ALK: variants seen among roughly 807,000 people sequenced by gnomAD.
The protein encoded by ALK is ALK tyrosine kinase receptor.
Under a neutral mutation model 163.1 loss-of-function variants are expected in ALK, and 74 were observed. That is an observed-to-expected ratio of 0.45 (90% CI 0.38 to 0.55). The LOEUF is 0.55. ALK is among the 20% of genes least tolerant of loss of function. The pLI is 0.00. For missense variants in ALK, 2,063 were observed against 2,105.3 expected, an observed-to-expected ratio of 0.98 and a Z score of 0.39; for synonymous variants, 960 against 843.2, an observed-to-expected ratio of 1.14 and a Z score of -2.40.
At chr2:29,399,814 A>G (rs76616347) in intron 4 of ALK, among the ~76,000 whole-genome samples, 5,061 of 152,224 alleles carry the variant, frequency 0.033, 275 homozygotes, top group African/African-American at 0.12. Context: ...GCATTTTCAC[A>G]TGGGTGAAAA....
chr2:29,259,531 G>C (rs1665031463), intron 11 of ALK, among the ~76,000 whole-genome samples: 2 of 152,024 alleles, frequency 1.3e-5, no homozygotes, highest in Non-Finnish European at 2.9e-5. Context: ...TTTGAGTGTT[G>C]ATAATATATT....
intron 1 of ALK, among the ~76,000 whole-genome samples, chr2:29,812,092 G>T (rs1335064351): frequency 1.3e-5 from 2 of 152,152 alleles, no homozygotes; most frequent in Non-Finnish European, 2.9e-5. Flanking sequence ...GTTCCCGAAG[G>T]AAGGACAAGT....
At chr2:29,852,832 TTC>T (rs56348355) in intron 1 of ALK, among the ~76,000 whole-genome samples, 8,854 of 148,496 alleles carry the variant, frequency 0.06, 382 homozygotes, top group East Asian at 0.17. Context: ...GACCAGAGCT[TTC>T]TCTCTCTCTC....
intron 3 of ALK, among the ~76,000 whole-genome samples, chr2:29,645,012 G>A (rs1006161254): frequency 6.6e-6 from 1 of 152,070 alleles, no homozygotes; most frequent in Non-Finnish European, 1.5e-5. Context: ...CCACAGTCTT[G>A]GAGGCCTTGG....
chr2:29,506,229 T>G lies in ALK; in HGVS notation c.1154+25686A>C, dbSNP rs547856390. On this transcript the variant is annotated intron_variant, in intron 4 of 28. Transcript: ENST00000389048. ...GATCAAACTTTGGGCATTTAATCCCTTTTTCCAATTCTGCATGGTTCTTGC... is the reference window on the plus strand; with the variant it reads ...GATCAAACTTTGGGCATTTAATCCCGTTTTCCAATTCTGCATGGTTCTTGC... 5.5e-3 allele frequency among the ~76,000 whole-genome samples: 834 copies of G among 152,298 alleles called. 5 individuals are homozygous for G. The highest frequency in any genetic ancestry group is 0.048 in the Middle Eastern group (14 of 294).
chr2:29,369,308 TTG>T (rs3054016), intron 5 of ALK, among the ~76,000 whole-genome samples: 2,806 of 144,930 alleles, frequency 0.019, 54 homozygotes, highest in African/African-American at 0.056. Context: ...ACGTGCATAT[TTG>T]TGTGTGTGTG....
intron 1 of ALK, among the ~76,000 whole-genome samples, chr2:29,771,290 G>A (rs1484967501): frequency 6.6e-6 from 1 of 152,096 alleles, no homozygotes; most frequent in Non-Finnish European, 1.5e-5. Context: ...GATTAAAGGA[G>A]TTCATACTGC....
At chr2:29,827,376 T>C (rs948240128) in intron 1 of ALK, among the ~76,000 whole-genome samples, 1 of 152,190 alleles carries the variant, frequency 6.6e-6, no homozygotes, top group African/African-American at 2.4e-5. Context: ...CCAACAACAC[T>C]TGCTTCCTGT....
At position 29,267,771 on chromosome 2, in the gene ALK, GC is replaced by G. The variant is rs10710512; in HGVS notation, c.2041+7327del. Among the ~76,000 whole-genome samples the G allele has an allele frequency of 6.8e-4, 103 of 152,308 alleles. 3 individuals are homozygous for G. In the East Asian group the frequency reaches 0.014, roughly 21 times the overall value. Reference sequence around the variant, plus strand: ...CTTTGTCCAAAACCACTGAAGCTTTGCTGCAACAAGCAGAGAGCTAAATAGG... The same window carrying G: ...CTTTGTCCAAAACCACTGAAGCTTTGTGCAACAAGCAGAGAGCTAAATAGG... On this transcript the variant is annotated intron_variant, in intron 11 of 28. Coordinates refer to ENST00000389048, the MANE Select transcript of ALK (RefSeq NM_004304.5).
At chr2:29,545,437 G>A (rs1374479984) in intron 3 of ALK, among the ~76,000 whole-genome samples, 1 of 152,204 alleles carries the variant, frequency 6.6e-6, no homozygotes, top group East Asian at 1.9e-4. Context: ...ATAAAGAGGA[G>A]GTGGGACCGT....
chr2:29,490,408 C>T (rs908783685), intron 4 of ALK, among the ~76,000 whole-genome samples: 1 of 152,196 alleles, frequency 6.6e-6, no homozygotes, highest in African/African-American at 2.4e-5. Context: ...AAATACTTGT[C>T]ATATACTTAG....
At chr2:29,696,383 G>A (rs1024142728) in intron 2 of ALK, among the ~76,000 whole-genome samples, 11 of 151,986 alleles carry the variant, frequency 7.2e-5, no homozygotes, top group Admixed American at 2.6e-4. Flanking sequence ...AGGGCCTGTC[G>A]AGGGGTGGGG....
chr2:29,850,530 C>T (rs536381665), intron 1 of ALK, among the ~76,000 whole-genome samples: 2 of 152,324 alleles, frequency 1.3e-5, no homozygotes, highest in South Asian at 2.1e-4. Context: ...GATAAAGAGA[C>T]TGAACAGGGA....
intron 4 of ALK, among the ~76,000 whole-genome samples, chr2:29,406,667 C>A (rs1447378848): frequency 1.3e-5 from 2 of 151,962 alleles, no homozygotes. Context: ...TTTGGGAGGC[C>A]GAGGTGGGCC....
chr2:29,377,293 G>T (rs1050737158), intron 5 of ALK, among the ~76,000 whole-genome samples: 5 of 151,958 alleles, frequency 3.3e-5, no homozygotes, highest in Admixed American at 1.3e-4. Flanking sequence ...TGACCAACAT[G>T]GTGAAACCCC....
chr2:29,757,574 G>A (rs1474751364), intron 1 of ALK, among the ~76,000 whole-genome samples: 1 of 143,806 alleles, frequency 7.0e-6, no homozygotes, highest in African/African-American at 2.6e-5. Flanking sequence ...TATTGTGCAA[G>A]CATCTTGTTT....
At chr2:29,754,315 A>C (rs976522945) in intron 1 of ALK, among the ~76,000 whole-genome samples, 1 of 152,114 alleles carries the variant, frequency 6.6e-6, no homozygotes, top group East Asian at 1.9e-4. Context: ...CCCTGCCTGC[A>C]TCTCCCCACA....
At chr2:29,229,118 G>A (rs1320486421) in intron 15 of ALK, 52 bp from the exon 16 acceptor site, 1 of 1,557,650 alleles carries the variant, frequency 6.4e-7, no homozygotes, top group South Asian at 1.1e-5. Flanking sequence ...GGTTCAATTA[G>A]CCATGCTGGC....
chr2:29,649,217 T>A (rs1382263046), intron 3 of ALK, among the ~76,000 whole-genome samples: 1 of 147,440 alleles, frequency 6.8e-6, no homozygotes. Flanking sequence ...TGTGTGTATG[T>A]GAGAGAGAGA....
Sources: allele counts gnomAD v4.1 joint callset (sites outside exome capture counted in the v4.1 genomes callset), GRCh38; gene constraint gnomAD v4.1.1; transcripts MANE v1.5; gene names NCBI Gene and HGNC (gene_info 2026-07-23, HGNC 2026-07-21).